The following HKDC1 variants were observed in gnomAD, a reference collection of about 807,000 sequenced individuals.
The protein encoded by HKDC1 is hexokinase HKDC1.
A neutral mutation model predicts 96.6 loss-of-function variants in HKDC1; 66 were observed. The ratio of observed to expected loss-of-function variants is 0.68; its 90% CI spans 0.56 to 0.84. HKDC1 has a LOEUF of 0.84. Ranked by LOEUF, HKDC1 falls within the 40% of genes least tolerant of loss-of-function variation. The pLI is 0.00. For synonymous variants in HKDC1, 466 were observed against 473.1 expected (o/e 0.98, Z 0.20); for missense variants, 1,211 against 1,208.1 (o/e 1.00, Z -0.04).
intron 16 of HKDC1, 101 bp downstream of exon 16, chr10:69,261,395 C>T: frequency 8.7e-7 from 1 of 1,147,684 alleles, no homozygotes; most frequent in East Asian, 2.5e-5. Flanking sequence ...ACAGAAAGGC[C>T]CTGGCTGGGT....
rs1189368952 is a variant in HKDC1, at chr10:69,248,575, G to A, written c.1417G>A (p.Val473Met). 6 of 1,614,132 alleles carry A rather than the reference G, an allele frequency of 3.7e-6. No homozygotes were observed. Among genetic ancestry groups the A allele is most frequent in the Admixed American group, 3.3e-5 (2 of 60,014 alleles). ...GGCCCAGCGGAAGCAGATCGACAGG[G>A]TGCTGGCTTTGTTCCAGCTGACCCG... is the stretch of plus-strand genomic sequence containing the variant. ...VQAQRKQIDRVLALFQLTREQ... is the reference protein window; with the variant it reads ...VQAQRKQIDRMLALFQLTREQ... The change falls in exon 10 of 18, where the codon GTG becomes ATG. Residue 473 changes from valine to methionine, a missense_variant. Physicochemically the swap from Val to Met is conservative, Grantham distance 21. Coordinates refer to ENST00000354624, the MANE Select transcript of HKDC1 (RefSeq NM_025130.4).
chr10:69,238,785 T>C (rs1843404520), intron 4 of HKDC1, among the ~76,000 whole-genome samples: 1 of 152,258 alleles, frequency 6.6e-6, no homozygotes, highest in Admixed American at 6.5e-5. Context: ...ACTTGTCTAA[T>C]GTCTCATGAA....
intron 17 of HKDC1, 131 bp from the exon 18 acceptor site, chr10:69,266,479 T>A (rs1263817494): frequency 2.7e-4 from 141 of 521,628 alleles, no homozygotes; most frequent in East Asian, 4.6e-4. Flanking sequence ...AAAAAAAAAA[T>A]TAGAAGAAGC....
At chr10:69,260,994 T>A (rs1455613688) in intron 15 of HKDC1, 145 bp from the exon 16 acceptor site, 1 of 652,564 alleles carries the variant, frequency 1.5e-6, no homozygotes, top group East Asian at 2.7e-5. Context: ...TAGCTTGCAG[T>A]GCTTGCTCAC....
At chr10:69,237,745 G>A (rs983702597) in intron 4 of HKDC1, among the ~76,000 whole-genome samples, 3 of 152,202 alleles carry the variant, frequency 2.0e-5, no homozygotes, top group African/African-American at 4.8e-5. Context: ...CAGAAGTTAG[G>A]GAGAGCTGCC....
At chr10:69,233,180 A>T in intron 4 of HKDC1, 47 bp downstream of exon 4, 1 of 1,610,258 alleles carries the variant, frequency 6.2e-7, no homozygotes, top group East Asian at 2.2e-5. Context: ...GGCTTGGGGA[A>T]TGTGGGCACG....
intron 6 of HKDC1, among the ~76,000 whole-genome samples, chr10:69,241,668 A>G (rs1462486860): frequency 2.6e-5 from 4 of 151,928 alleles, no homozygotes; most frequent in African/African-American, 9.7e-5. Context: ...TATTTTTAGT[A>G]CAGATGGGGT....
intron 4 of HKDC1, among the ~76,000 whole-genome samples, chr10:69,234,768 G>A (rs931453789): frequency 1.3e-5 from 2 of 152,194 alleles, no homozygotes; most frequent in African/African-American, 4.8e-5. Flanking sequence ...AGCAGTGCCC[G>A]CCAAGGGCAC....
At chr10:69,247,650 C>T in intron 9 of HKDC1, 57 bp downstream of exon 9, 1 of 1,406,498 alleles carries the variant, frequency 7.1e-7, no homozygotes, top group East Asian at 2.4e-5. Flanking sequence ...AGCAGGGCCC[C>T]AGTGTCTTCT....
intron 17 of HKDC1, among the ~76,000 whole-genome samples, chr10:69,266,392 A>G (rs1208769326): frequency 6.6e-6 from 1 of 151,484 alleles, no homozygotes; most frequent in Non-Finnish European, 1.5e-5. Context: ...GAGCCTGGGA[A>G]CTCGAGGCTG....
Position 69,247,460 on chromosome 10 carries a change from G to A in HKDC1, c.1132G>A (p.Val378Ile), listed in dbSNP as rs952016916. 13 of 1,614,090 alleles carry A rather than the reference G, an allele frequency of 8.1e-6. No individual in the cohort carries two copies. The highest frequency in any genetic ancestry group is 5.5e-5 in the South Asian group (5 of 91,072). ...TGCCGTCCAGCATGTCTGTACCATC[G>A]TCTCCTTCCGCTCGGCCAATCTCTG... ...CIAVQHVCTI[V>I]SFRSANLCAA... is the part of the protein sequence containing the mutation. Residue 378 changes from valine to isoleucine, a missense_variant, in exon 9 of 18, where the codon GTC becomes ATC. Coordinates refer to ENST00000354624, the MANE Select transcript of HKDC1 (RefSeq NM_025130.4).
intron 4 of HKDC1, among the ~76,000 whole-genome samples, chr10:69,236,462 T>G (rs1276123933): frequency 2.0e-5 from 3 of 151,334 alleles, no homozygotes; most frequent in Non-Finnish European, 4.4e-5. Flanking sequence ...CAGGTAAAAT[T>G]TAAACTAAGG....
intron 1 of HKDC1, among the ~76,000 whole-genome samples, 173 bp from the exon 2 acceptor site, chr10:69,227,034 C>A (rs1465682547): frequency 6.6e-6 from 1 of 152,206 alleles, no homozygotes; most frequent in Non-Finnish European, 1.5e-5. Context: ...TCCTAACTCG[C>A]TTCCCTGTCC....
chr10:69,226,093 G>A (rs1843151645), intron 1 of HKDC1: 1 of 152,178 alleles, frequency 6.6e-6, no homozygotes, highest in African/African-American at 2.4e-5. Flanking sequence ...CAGTGAGCCC[G>A]GGCTCCAGAC....
chr10:69,232,494 C>T (rs4746828), intron 2 of HKDC1: 246,612 of 461,714 alleles, frequency 0.53, 68,744 homozygotes, highest in Non-Finnish European at 0.59. Context: ...CACATTTGCC[C>T]TCTCCAGTTG....
intron 16 of HKDC1, among the ~76,000 whole-genome samples, chr10:69,263,533 C>T (rs1020148363): frequency 4.6e-5 from 7 of 152,276 alleles, no homozygotes; most frequent in South Asian, 2.1e-4. Flanking sequence ...CAGTGTTCTC[C>T]GGGGGAAGTG....
intron 2 of HKDC1, among the ~76,000 whole-genome samples, chr10:69,230,692 C>A (rs954172421): frequency 6.6e-6 from 1 of 152,250 alleles, no homozygotes; most frequent in Non-Finnish European, 1.5e-5. Context: ...TAGATCACTG[C>A]AGCCTTGACC....
chr10:69,246,437 G>T (rs1190856115), intron 8 of HKDC1, among the ~76,000 whole-genome samples: 1 of 152,224 alleles, frequency 6.6e-6, no homozygotes, highest in Non-Finnish European at 1.5e-5. Flanking sequence ...ATCAGTGAGG[G>T]ACTCTGCTGT....
intron 6 of HKDC1, among the ~76,000 whole-genome samples, chr10:69,241,963 C>T (rs1843461691): frequency 6.6e-6 from 1 of 152,138 alleles, no homozygotes; most frequent in Admixed American, 6.6e-5. Flanking sequence ...GTCTCCACAC[C>T]AGAGCGAGGG....
Sources: gnomAD v4.1 joint callset for allele counts (sites outside exome capture counted in the v4.1 genomes callset) on GRCh38, gnomAD v4.1.1 for gene constraint, MANE v1.5 for transcripts, NCBI Gene and HGNC (gene_info 2026-07-23, HGNC 2026-07-21) for gene names.